EXD3: variants seen among roughly 807,000 people sequenced by gnomAD.
The protein encoded by EXD3 is exonuclease mut-7 homolog.
Under a neutral mutation model 98.0 loss-of-function variants are expected in EXD3, and 92 were observed. The observed-to-expected ratio is 0.94, with a 90% CI of 0.79 to 1.12. The LOEUF is 1.12. Among genes scored for constraint, EXD3 ranks in the 50% most tolerant of loss-of-function variants. The pLI, the probability that EXD3 is intolerant of heterozygous loss-of-function variation, is 0.00. For missense variants in EXD3, 1,222 were observed against 1,191.6 expected (o/e 1.03, Z -0.38); for synonymous variants, 569 against 526.0 (o/e 1.08, Z -1.12).
At chr9:137,322,130 G>A (rs573556194) in intron 19 of EXD3, among the ~76,000 whole-genome samples, 1 of 152,274 alleles carries the variant, frequency 6.6e-6, no homozygotes, top group African/African-American at 2.4e-5. Context: ...CTTGTTAGAC[G>A]TCACCAAGCA....
intron 7 of EXD3, chr9:137,365,665 C>A (rs561399909): frequency 1.6e-5 from 4 of 250,676 alleles, no homozygotes; most frequent in Non-Finnish European, 3.1e-5. Flanking sequence ...ACACACCACA[C>A]GCACACACAT....
rs189585605 is a variant in EXD3 at position 137,407,978 on chromosome 9, G to A, written c.-47-12574C>T. Among the ~76,000 whole-genome samples, 51 of 152,136 alleles carry A rather than the reference G, an allele frequency of 3.4e-4. No homozygotes were observed. Among genetic ancestry groups the A allele is most frequent in the East Asian group, 1.7e-3 (9 of 5,154 alleles). On this transcript the variant is annotated intron_variant, in intron 1 of 21. Transcript: ENST00000340951. The surrounding 1 kb of genome is among the most constrained non-coding windows in gnomAD (Gnocchi z 4.4). ...GGTTTTCCAGCCTCACGCCTCCGGG[G>A]GTCTCCCCAGCCTCATGCCTCTGGG... is the stretch of plus-strand genomic sequence containing the variant.
At chr9:137,415,917 A>G (rs1024606142) in intron 1 of EXD3, among the ~76,000 whole-genome samples, 1 of 152,226 alleles carries the variant, frequency 6.6e-6, no homozygotes, top group Non-Finnish European at 1.5e-5. Context: ...TCCCTTCTCA[A>G]AACCAGGCAG....
At chr9:137,313,939 T>G (rs1831496898) in intron 19 of EXD3, among the ~76,000 whole-genome samples, 1 of 152,158 alleles carries the variant, frequency 6.6e-6, no homozygotes, top group African/African-American at 2.4e-5. Context: ...TAGGACTGTG[T>G]GCGGAGATCC....
At chr9:137,367,266 C>G (rs955456670) in intron 6 of EXD3, among the ~76,000 whole-genome samples, 1 of 152,224 alleles carries the variant, frequency 6.6e-6, no homozygotes, top group Non-Finnish European at 1.5e-5. Context: ...CCCAAGAGCC[C>G]TCTCTGGCCC....
Position 137,366,637 on chromosome 9 carries a change from A to T in EXD3, c.517-5T>A. On this transcript the variant is annotated splice_polypyrimidine_tract_variant and splice_region_variant and intron_variant, in intron 6 of 21. Coordinates refer to ENST00000340951, the MANE Select transcript of EXD3 (RefSeq NM_017820.5). ...GAGGAGCAGTGGGATGCTCATCTGC[A>T]GGGGGACACACGGTCAGGCCACAGC... is the stretch of plus-strand genomic sequence containing the variant. The T allele has an allele frequency of 6.4e-7, 1 of 1,557,912 alleles. No individual in the cohort carries two copies. Among genetic ancestry groups the T allele is most frequent in the Non-Finnish European group, 8.7e-7 (1 of 1,152,090 alleles).
At chr9:137,363,567 A>G (rs1588351424) in intron 7 of EXD3, among the ~76,000 whole-genome samples, 1 of 151,362 alleles carries the variant, frequency 6.6e-6, no homozygotes. Flanking sequence ...CAAACTTCTG[A>G]CCTCAGGTGA....
chr9:137,372,197 C>G (rs1437015136), intron 5 of EXD3, among the ~76,000 whole-genome samples: 1 of 152,234 alleles, frequency 6.6e-6, no homozygotes, highest in Non-Finnish European at 1.5e-5. Flanking sequence ...CCGAAGCCAC[C>G]TCTCCCGCCA....
At chr9:137,348,788 TAG>T (rs1203767726) in intron 16 of EXD3, among the ~76,000 whole-genome samples, 1 of 47,712 alleles carries the variant, frequency 2.1e-5, no homozygotes, top group African/African-American at 9.3e-5. Context: ...GGGGGCTAGA[TAG>T]AGAGGGGTGG....
chr9:137,320,838 C>A (rs770494228), intron 19 of EXD3, among the ~76,000 whole-genome samples: 3 of 152,214 alleles, frequency 2.0e-5, no homozygotes, highest in Non-Finnish European at 4.4e-5. Flanking sequence ...ATGCAGCAGC[C>A]GATTCTGAAC....
chr9:137,419,882 G>A (rs992472661), intron 1 of EXD3, among the ~76,000 whole-genome samples: 4 of 151,874 alleles, frequency 2.6e-5, no homozygotes, highest in Non-Finnish European at 5.9e-5. Context: ...AAAAGCGGCC[G>A]GGCGCGGTGG....
At chr9:137,367,520 G>C (rs557916992) in intron 6 of EXD3, 73 of 170,374 alleles carry the variant, frequency 4.3e-4, no homozygotes, top group Admixed American at 1.3e-3. Context: ...CTGTGGGTTC[G>C]AGGACTGTGT....
chr9:137,398,774 CGT>C (rs1179032208), intron 1 of EXD3, among the ~76,000 whole-genome samples: 33 of 101,930 alleles, frequency 3.2e-4, no homozygotes, highest in Non-Finnish European at 4.5e-4. Context: ...CCCGCGTCCC[CGT>C]GACACACAGG....
intron 3 of EXD3, chr9:137,377,043 CTT>C (rs1216163776): frequency 6.6e-6 from 1 of 152,056 alleles, no homozygotes; most frequent in African/African-American, 2.4e-5. Context: ...TAAAAAGTCA[CTT>C]TCTTTCTACC....
At chr9:137,418,813 C>T (rs761837773) in intron 1 of EXD3, among the ~76,000 whole-genome samples, 1 of 151,052 alleles carries the variant, frequency 6.6e-6, no homozygotes, top group Non-Finnish European at 1.5e-5. Flanking sequence ...GTTTGCCTCA[C>T]GCTGTCTTTA....
rs193277207 is a variant in EXD3, at chr9:137,399,080, C to T, written c.-47-3676G>A. Among the ~76,000 whole-genome samples, 257 of 152,380 alleles carry T rather than the reference C, an allele frequency of 1.7e-3. 2 individuals are homozygous for T. Among genetic ancestry groups the T allele is most frequent in the Non-Finnish European group, 2.4e-3 (164 of 68,028 alleles). On this transcript the variant is annotated intron_variant, in intron 1 of 21. Coordinates refer to ENST00000340951, the MANE Select transcript of EXD3 (RefSeq NM_017820.5). ...CTGTGGCACAGGCGCATCCACGTCC[C>T]CATGACACACGCACACTGCACCTCC...
intron 5 of EXD3, among the ~76,000 whole-genome samples, chr9:137,369,782 C>A (rs567407491): frequency 6.6e-6 from 1 of 152,216 alleles, no homozygotes. Flanking sequence ...GTGTCCCGCA[C>A]GCTGCGACCC....
At chr9:137,312,206 G>A (rs371511679) in intron 19 of EXD3, among the ~76,000 whole-genome samples, 15 of 152,298 alleles carry the variant, frequency 9.8e-5, no homozygotes, top group African/African-American at 3.1e-4. Context: ...GCAGCACAGC[G>A]GGGTGCCTGG....
intron 1 of EXD3, among the ~76,000 whole-genome samples, chr9:137,402,395 A>ATC (rs1837518855): frequency 6.6e-6 from 1 of 152,110 alleles, no homozygotes; most frequent in African/African-American, 2.4e-5. Flanking sequence ...ACCCTAAATC[A>ATC]TCTCTCTCTC....
Sources: gnomAD v4.1 joint callset for allele counts (sites outside exome capture counted in the v4.1 genomes callset) on GRCh38, gnomAD v4.1.1 for gene constraint, Gnocchi (gnomAD v3.1) non-coding constraint, MANE v1.5 for transcripts, NCBI Gene and HGNC (gene_info 2026-07-23, HGNC 2026-07-21) for gene names.